NME8: variants seen among roughly 807,000 people sequenced by gnomAD.
NME8 encodes the protein protein NME8.
A neutral mutation model predicts 82.3 loss-of-function variants in NME8; 72 were observed. The observed-to-expected ratio is 0.87, with a 90% CI of 0.72 to 1.06. The LOEUF is 1.06. NME8 is among the 50% of genes least tolerant of loss of function. The probability of loss-of-function intolerance (pLI) is 0.00; values close to 1 mark genes in which losing one functional copy is unlikely to be tolerated. For synonymous variants in NME8, 267 were observed against 228.5 expected, an observed-to-expected ratio of 1.17 and a Z score of -1.52; for missense variants, 712 against 685.4, an observed-to-expected ratio of 1.04 and a Z score of -0.43.
At chr7:37,856,898 G>A (rs1228738523) in intron 5 of NME8, among the ~76,000 whole-genome samples, 1 of 152,144 alleles carries the variant, frequency 6.6e-6, no homozygotes, top group Non-Finnish European at 1.5e-5. Flanking sequence ...GGACATAGGT[G>A]CCTTGGGAGA....
intron 12 of NME8, among the ~76,000 whole-genome samples, chr7:37,878,787 C>T (rs931811830): frequency 6.6e-6 from 1 of 152,124 alleles, no homozygotes; most frequent in Non-Finnish European, 1.5e-5. Context: ...TTCCCATATA[C>T]CTGCTCCCTC....
chr7:37,897,055 T>C lies in NME8; in HGVS notation c.1730T>C (p.Val577Ala). 6.2e-7 allele frequency: 1 copy of C among 1,613,406 alleles called. No individual in the cohort carries two copies. Among genetic ancestry groups the C allele is most frequent in the South Asian group, 1.1e-5 (1 of 91,068 alleles). Residue 577 changes from valine (V) to alanine (A), a missense_variant, in exon 17 of 18, where the codon GTT (valine) becomes GCT (alanine). Physicochemically the swap from Val to Ala is moderately conservative, Grantham distance 64. Coordinates refer to ENST00000199447, the MANE Select transcript of NME8 (RefSeq NM_016616.5). ...GASNAYEAKE[V>A]VNRLFEDPEE... ...TCTAACGCCTATGAAGCAAAAGAGG[T>C]TGTTAATAGACTCTTTGAGGATCCT...
At position 37,857,280 on chromosome 7, in the gene NME8, G is replaced by A; in HGVS notation, c.205G>A (p.Ala69Thr). ...AAATGTTTACTTTTTCCAGGCAGAA[G>A]CTGACAACATTGTGACTTTGCAGCC... ...DEILHFAVAE[A>T]DNIVTLQPFR... Residue 69 changes from alanine (A) to threonine (T), a missense_variant, in exon 6 of 18, where the codon GCT (alanine) becomes ACT (threonine). By Grantham distance (58) the Ala-to-Thr change is moderately conservative (BLOSUM62 0). Transcript: ENST00000199447. 6.2e-7 allele frequency: 1 copy of A among 1,609,872 alleles called. No homozygotes were observed. Among genetic ancestry groups the A allele is most frequent in the Non-Finnish European group, 8.5e-7 (1 of 1,177,084 alleles).
At chr7:37,884,661 C>G (rs913094312) in intron 13 of NME8, among the ~76,000 whole-genome samples, 1 of 152,174 alleles carries the variant, frequency 6.6e-6, no homozygotes, top group Non-Finnish European at 1.5e-5. Flanking sequence ...GTAGGAAGGT[C>G]TCAGAGGAAG....
chr7:37,887,546 A>G (rs573255279), intron 14 of NME8, among the ~76,000 whole-genome samples: 1 of 152,312 alleles, frequency 6.6e-6, no homozygotes, highest in Admixed American at 6.5e-5. Flanking sequence ...TATATTTGAG[A>G]CAACTAAAGC....
At position 37,897,013 on chromosome 7, in the gene NME8, A is replaced by C; in HGVS notation, c.1688A>C (p.Asn563Thr). 1.2e-6 allele frequency: 2 copies of C among 1,613,958 alleles called. No homozygotes were observed. The highest frequency in any genetic ancestry group is 1.7e-6 in the Non-Finnish European group (2 of 1,179,900). Reference sequence around the variant, plus strand: ...CAGTTTGGAATAAGTAAATTGAAAAACATTGTCCATGGAGCATCTAACGCC... The same window carrying C: ...CAGTTTGGAATAAGTAAATTGAAAACCATTGTCCATGGAGCATCTAACGCC... Reference protein sequence around the residue: ...RAQFGISKLKNIVHGASNAYE... With the variant: ...RAQFGISKLKTIVHGASNAYE... Residue 563 changes from asparagine to threonine, a missense_variant, in exon 17 of 18, where the codon AAC becomes ACC. Asn to Thr is a moderately conservative substitution (Grantham distance 65). Transcript: ENST00000199447.
chr7:37,882,102 A>G (rs577070117), intron 12 of NME8, among the ~76,000 whole-genome samples: 3 of 152,322 alleles, frequency 2.0e-5, no homozygotes, highest in African/African-American at 4.8e-5. Flanking sequence ...TCAAGATTGT[A>G]TAGATATCTA....
In NME8 at chr7:37,867,831, C is replaced by T. The variant is rs113330102; in HGVS notation, c.751C>T (p.Arg251Ter). 19 of 1,613,742 alleles carry T rather than the reference C, an allele frequency of 1.2e-5. No individual in the cohort carries two copies. The highest frequency in any genetic ancestry group is 1.6e-4 in the Middle Eastern group (1 of 6,080). The change falls in exon 11 of 18, where the codon CGA (arginine) becomes TGA (stop). Residue 251 changes from arginine (R) to a stop codon, truncating the protein, a stop_gained. Transcript: ENST00000199447. LOFTEE classifies it high-confidence loss of function. The part of the protein sequence containing the change: ...EPQTDTEPNE[R>*]SEDQPEVEAQ... ...ACAGACTGACACCGAACCTAACGAA[C>T]GATCTGAGGATCAACCTGAGGTCGA...
intron 17 of NME8, among the ~76,000 whole-genome samples, chr7:37,898,933 T>C (rs1383597486): frequency 2.6e-5 from 4 of 152,222 alleles, no homozygotes; most frequent in Non-Finnish European, 4.4e-5. Context: ...TAAGGAAGAA[T>C]GATTTCTCAG....
chr7:37,854,381 G>T (rs1217774022), intron 5 of NME8, among the ~76,000 whole-genome samples: 1 of 152,064 alleles, frequency 6.6e-6, no homozygotes, highest in Non-Finnish European at 1.5e-5. Flanking sequence ...ACGTCTCAGG[G>T]GTGGCAGAAG....
chr7:37,880,613 GT>G (rs1253426612), intron 12 of NME8, among the ~76,000 whole-genome samples: 1 of 152,074 alleles, frequency 6.6e-6, no homozygotes, highest in Non-Finnish European at 1.5e-5. Context: ...TCAATACTGT[GT>G]TACATCTTTG....
At chr7:37,894,769 A>T (rs1389517467) in intron 16 of NME8, among the ~76,000 whole-genome samples, 159 bp downstream of exon 16, 1 of 150,640 alleles carries the variant, frequency 6.6e-6, no homozygotes, top group African/African-American at 2.4e-5. Flanking sequence ...CTATTTCCTT[A>T]CCTCCCTCCC....
intron 14 of NME8, among the ~76,000 whole-genome samples, chr7:37,885,522 G>A (rs1785027913): frequency 6.6e-6 from 1 of 152,098 alleles, no homozygotes; most frequent in African/African-American, 2.4e-5. Context: ...GTCATCTCTT[G>A]GGAGAAATAT....
chr7:37,893,917 T>C (rs996112807), intron 15 of NME8, among the ~76,000 whole-genome samples: 1 of 152,168 alleles, frequency 6.6e-6, no homozygotes, highest in Non-Finnish European at 1.5e-5. Flanking sequence ...CAGACCACTC[T>C]ATGTGCTTTT....
intron 5 of NME8, among the ~76,000 whole-genome samples, chr7:37,856,243 C>T (rs2722352): frequency 0.24 from 36,689 of 152,062 alleles, 4,439 homozygotes; most frequent in Middle Eastern, 0.27. Context: ...AAATTTCATA[C>T]GTTAAAATCC....
rs373583275 is a variant in NME8, at chr7:37,899,923, T to G, written c.*16-321T>G. Among the ~76,000 whole-genome samples the G allele has an allele frequency of 8.5e-5, 13 of 152,250 alleles. 1 individual carries two copies. The highest frequency in any genetic ancestry group is 5.8e-4 in the East Asian group (3 of 5,178). ...AGGAGCTGCACAATCTGTCCTGGTA[T>G]TTTTCTCACCCTCTTCCTATTGTCT... On this transcript the variant is annotated intron_variant, in intron 17 of 17. Transcript: ENST00000199447.
At chr7:37,869,897 GTC>G (rs1784742827) in intron 11 of NME8, among the ~76,000 whole-genome samples, 1 of 152,158 alleles carries the variant, frequency 6.6e-6, no homozygotes. Flanking sequence ...CCGGCCAGCA[GTC>G]TCTCTCAAAG....
At chr7:37,863,553 A>T (rs897029773) in intron 8 of NME8, 91 bp downstream of exon 8, 1 of 782,220 alleles carries the variant, frequency 1.3e-6, no homozygotes, top group African/African-American at 1.7e-5. Flanking sequence ...ACTGGTAACA[A>T]ATCCATGTTT....
At chr7:37,892,530 T>A (rs1381093513) in intron 15 of NME8, among the ~76,000 whole-genome samples, 1 of 151,696 alleles carries the variant, frequency 6.6e-6, no homozygotes, top group East Asian at 1.9e-4. Context: ...CACACACACC[T>A]ACATACACAC....
Sources: gnomAD v4.1 joint callset for allele counts (sites outside exome capture counted in the v4.1 genomes callset) on GRCh38, gnomAD v4.1.1 for gene constraint, MANE v1.5 for transcripts, NCBI Gene and HGNC (gene_info 2026-07-23, HGNC 2026-07-21) for gene names.